Variants in PAPOLG observed in about 807,000 individuals in gnomAD.
The protein encoded by PAPOLG is poly(A) polymerase gamma.
PAPOLG carries 40 observed loss-of-function variants against 99.0 expected under a neutral mutation model. The observed-to-expected ratio is 0.40, with a 90% CI of 0.31 to 0.53. The LOEUF (loss-of-function observed/expected upper bound fraction) is 0.53. PAPOLG is among the 20% of genes least tolerant of loss of function. The pLI is 0.41. For missense variants in PAPOLG, 675 were observed against 884.1 expected, an observed-to-expected ratio of 0.76 and a Z score of 3.00; for synonymous variants, 310 against 299.3, an observed-to-expected ratio of 1.04 and a Z score of -0.37.
At chr2:60,770,358 A>T in intron 5 of PAPOLG, 100 bp from the exon 6 acceptor site, 4 of 995,696 alleles carry the variant, frequency 4.0e-6, no homozygotes, top group Non-Finnish European at 5.6e-6. Context: ...CTATGTGGTT[A>T]AAATACAAAT....
chr2:60,796,929 G>A (rs912384652), intron 21 of PAPOLG, 133 bp from the exon 22 acceptor site: 3 of 1,080,598 alleles, frequency 2.8e-6, no homozygotes, highest in African/African-American at 3.2e-5. Flanking sequence ...AATATTCATT[G>A]CATACTTGAG....
chr2:60,768,795 G>A lies in PAPOLG; in HGVS notation c.343G>A (p.Ala115Thr). 2 of 1,568,004 alleles carry A rather than the reference G, an allele frequency of 1.3e-6. No individual in the cohort carries two copies. Among genetic ancestry groups the A allele is most frequent in the Non-Finnish European group, 1.7e-6 (2 of 1,156,940 alleles). Residue 115 changes from alanine (A) to threonine (T), a missense_variant, in exon 5 of 22, where the codon GCA becomes ACA. Coordinates refer to ENST00000238714, the MANE Select transcript of PAPOLG (RefSeq NM_022894.4). ...TTAATTTACAGGAGCTGACATTGAT[G>A]CACTTTGTGTAGCTCCAAGACATGT... is the stretch of plus-strand genomic sequence containing the variant. ...GVHTKGADID[A>T]LCVAPRHVER...
rs1356407818 is a variant in PAPOLG at position 60,756,304 on chromosome 2, C to G, written c.-175C>G. Reference sequence around the variant, plus strand: ...CCGCGCTGTATTGTCATAAATAGAGCCGGTTTTGTGGTGTTTTCACTACTC... The same window carrying G: ...CCGCGCTGTATTGTCATAAATAGAGGCGGTTTTGTGGTGTTTTCACTACTC... On this transcript the variant is annotated 5_prime_UTR_variant, in exon 1 of 22. Transcript: ENST00000238714. The G allele has an allele frequency of 4.0e-6, 3 of 748,288 alleles. No individual in the cohort carries two copies. The highest frequency in any genetic ancestry group is 4.6e-6 in the Non-Finnish European group (2 of 431,746). The allele number at this position is 748,288 out of a possible 1,614,324, so 46.4% of individuals were successfully genotyped here.
intron 8 of PAPOLG, among the ~76,000 whole-genome samples, chr2:60,777,906 C>T (rs372283164): frequency 2.0e-5 from 3 of 152,148 alleles, no homozygotes; most frequent in Non-Finnish European, 1.5e-5. Flanking sequence ...ATAGTAACAT[C>T]AAAGATCACT....
chr2:60,793,619 T>C lies in PAPOLG; in HGVS notation c.1680-8T>C, dbSNP rs1454283443. 1 of 1,612,684 alleles carries C rather than the reference T, an allele frequency of 6.2e-7. No homozygotes were observed. The highest frequency in any genetic ancestry group is 1.7e-5 in the Admixed American group (1 of 59,820). ...CATTTATTGATGATAATTTAACACT[T>C]TCATTAGGAATAGTGCTGAGCCTGC... is the stretch of plus-strand genomic sequence containing the variant. On this transcript the variant is annotated splice_polypyrimidine_tract_variant and splice_region_variant and intron_variant, in intron 17 of 21. Transcript: ENST00000238714.
intron 7 of PAPOLG, 36 bp from the exon 8 acceptor site, chr2:60,774,998 C>T (rs781725531): frequency 6.2e-7 from 1 of 1,610,168 alleles, no homozygotes; most frequent in Non-Finnish European, 8.5e-7. Flanking sequence ...TGAGAATTTG[C>T]TGCATAGTGA....
At chr2:60,772,946 G>A (rs187746055) in intron 7 of PAPOLG, among the ~76,000 whole-genome samples, 45 of 150,988 alleles carry the variant, frequency 3.0e-4, no homozygotes, top group African/African-American at 1.1e-3. Context: ...TTTTTTTTGA[G>A]ACGGAGTCTC....
At position 60,756,273 on chromosome 2, in the gene PAPOLG, C is replaced by T. The variant is rs1377056202; in HGVS notation, c.-206C>T. ...AGGCTGGGAAGCGGCGCCATATTGG[C>T]GTCGGCCGCGCTGTATTGTCATAAA... On this transcript the variant is annotated 5_prime_UTR_variant, in exon 1 of 22. Transcript: ENST00000238714. 26 of 629,028 alleles carry T rather than the reference C, an allele frequency of 4.1e-5. No individual in the cohort carries two copies. The highest frequency in any genetic ancestry group is 3.2e-4 in the South Asian group (17 of 52,854). The allele number at this position is 629,028 out of a possible 1,614,324, so 39.0% of individuals were successfully genotyped here.
At chr2:60,771,003 T>A (rs994785134) in intron 6 of PAPOLG, among the ~76,000 whole-genome samples, 6 of 152,242 alleles carry the variant, frequency 3.9e-5, no homozygotes, top group Admixed American at 1.3e-4. Context: ...TACAGCCTCC[T>A]GACCTTATTT....
chr2:60,766,947 C>T (rs540260768), intron 3 of PAPOLG, among the ~76,000 whole-genome samples: 1 of 152,206 alleles, frequency 6.6e-6, no homozygotes, highest in South Asian at 2.1e-4. Flanking sequence ...CTTTTGAGTA[C>T]AACAACTATA....
chr2:60,787,450 C>T (rs1411907495), intron 14 of PAPOLG, 61 bp from the exon 15 acceptor site: 2 of 1,517,286 alleles, frequency 1.3e-6, no homozygotes, highest in Non-Finnish European at 1.8e-6. Context: ...TATGAAATAG[C>T]ATCTGTAAAG....
At chr2:60,774,101 G>GT (rs558297861) in intron 7 of PAPOLG, among the ~76,000 whole-genome samples, 44 of 143,714 alleles carry the variant, frequency 3.1e-4, no homozygotes, top group Middle Eastern at 3.5e-3. Context: ...TTTGTTTTTT[G>GT]TTTTTTTTTT....
chr2:60,794,703 A>C lies in PAPOLG; in HGVS notation c.1990-7A>C. The C allele has an allele frequency of 6.2e-7, 1 of 1,607,778 alleles. No homozygotes were observed. Among genetic ancestry groups the C allele is most frequent in the Non-Finnish European group, 8.5e-7 (1 of 1,174,688 alleles). On this transcript the variant is annotated splice_region_variant and splice_polypyrimidine_tract_variant and intron_variant, in intron 19 of 21. Transcript: ENST00000238714. ...AATAGCAATCTATTTCAATGTTTAT[A>C]TTTTAGTTTATTCGACTTGAATCAA...
At chr2:60,785,260 T>G (rs1313601098) in intron 13 of PAPOLG, among the ~76,000 whole-genome samples, 6 of 152,054 alleles carry the variant, frequency 3.9e-5, no homozygotes, top group Non-Finnish European at 7.4e-5. Flanking sequence ...TGCCTCAGCC[T>G]GGCAAGCAGC....
In PAPOLG at chr2:60,797,053, T is replaced by G. The variant is rs560030468; in HGVS notation, c.2113-9T>G. Reference sequence around the variant, plus strand: ...TTTTCCTTTTTTGTTTCCTCTTTCTTTCTAATAGAGACTACCCAGTAAAGA... The same window carrying G: ...TTTTCCTTTTTTGTTTCCTCTTTCTGTCTAATAGAGACTACCCAGTAAAGA... On this transcript the variant is annotated splice_polypyrimidine_tract_variant and intron_variant, in intron 21 of 21. Coordinates refer to ENST00000238714, the MANE Select transcript of PAPOLG (RefSeq NM_022894.4). The G allele has an allele frequency of 2.5e-6, 4 of 1,612,762 alleles. No homozygotes were observed. The highest frequency in any genetic ancestry group is 1.3e-5 in the African/African-American group (1 of 75,016).
At chr2:60,791,925 C>CA in intron 16 of PAPOLG, 43 bp downstream of exon 16, 1 of 1,587,540 alleles carries the variant, frequency 6.3e-7, no homozygotes, top group Non-Finnish European at 8.6e-7. Context: ...TTTACTCAGA[C>CA]AAATGATCTG....
Position 60,800,986 on chromosome 2 carries a change from G to GA in PAPOLG, c.*3831dup, listed in dbSNP as rs542121421. ...GAAACTGTAAAGTCCTCGGTATTTA[G>GA]AAAAATGCTTAATCTCAGATTTACA... On this transcript the variant is annotated 3_prime_UTR_variant, in exon 22 of 22. Transcript: ENST00000238714. 5.6e-4 allele frequency: 85 copies of GA among 152,332 alleles called. No homozygotes were observed. Among genetic ancestry groups the GA allele is most frequent in the African/African-American group, 1.8e-3 (76 of 41,530 alleles). The allele number at this position is 152,332 out of a possible 1,614,324, so 9.4% of individuals were successfully genotyped here. A position where few individuals can be genotyped will look rare whatever the true frequency, so the allele number is the denominator to read the frequency against.
chr2:60,771,751 T>C (rs1170024578), intron 7 of PAPOLG, 121 bp downstream of exon 7: 10 of 1,079,208 alleles, frequency 9.3e-6, no homozygotes, highest in Non-Finnish European at 1.3e-5. Flanking sequence ...GTAATTTTCC[T>C]TATACAGATA....
chr2:60,786,318 C>T (rs1467361220), intron 13 of PAPOLG, among the ~76,000 whole-genome samples: 1 of 152,202 alleles, frequency 6.6e-6, no homozygotes, highest in Non-Finnish European at 1.5e-5. Context: ...GCAACCTCCA[C>T]CTCCCAGCTT....
Sources: gnomAD v4.1 joint callset for allele counts (sites outside exome capture counted in the v4.1 genomes callset) on GRCh38, gnomAD v4.1.1 for gene constraint, MANE v1.5 for transcripts, NCBI Gene and HGNC (gene_info 2026-07-23, HGNC 2026-07-21) for gene names.